CPAP: variants seen among roughly 807,000 people sequenced by gnomAD.
CPAP encodes centrosomal P4.1-associated protein.
At chr13:24,891,515 A>G in the CPAP span, among the ~76,000 whole-genome samples, 17 of 152,166 alleles carry the variant, frequency 1.1e-4, no homozygotes, top group South Asian at 3.5e-3. Flanking sequence ...ACCAAAACAC[A>G]AAACTAAGCA....
At chr13:24,922,953 T>G in the CPAP span, 1 of 152,254 alleles carries the variant, frequency 6.6e-6, no homozygotes, top group Non-Finnish European at 1.5e-5. Flanking sequence ...AAACTACAAC[T>G]CCCAGTGACG....
At chr13:24,882,875 T>G in the CPAP span, 9 of 235,070 alleles carry the variant, frequency 3.8e-5, no homozygotes, top group East Asian at 1.6e-4. Context: ...TACTTCTTGG[T>G]TTTTTTTTAT....
the CPAP span, among the ~76,000 whole-genome samples, chr13:24,927,060 G>T: frequency 6.6e-6 from 1 of 152,174 alleles, no homozygotes; most frequent in Non-Finnish European, 1.5e-5. Context: ...ACAGAAAATT[G>T]TCGGCACTGG....
chr13:24,911,898 AG>A, the CPAP span: 117 of 1,611,354 alleles, frequency 7.3e-5, no homozygotes, highest in African/African-American at 1.2e-3. Context: ...AAACAACTAC[AG>A]GTAAGAAATG....
the CPAP span, chr13:24,907,005 G>C: frequency 6.2e-7 from 1 of 1,600,506 alleles, no homozygotes; most frequent in South Asian, 1.1e-5. Flanking sequence ...GTATATCCAA[G>C]TGATCTCAAA....
At chr13:24,907,688 A>C in the CPAP span, among the ~76,000 whole-genome samples, 3 of 152,234 alleles carry the variant, frequency 2.0e-5, no homozygotes, top group African/African-American at 7.2e-5. Context: ...ATGCAATTAT[A>C]ATTGATAAGT....
chr13:24,894,200 G>A, the CPAP span, among the ~76,000 whole-genome samples: 1 of 152,208 alleles, frequency 6.6e-6, no homozygotes, highest in African/African-American at 2.4e-5. Context: ...AGGAAGGAAA[G>A]CAGAGGCATA....
chr13:24,897,706 T>C, the CPAP span, among the ~76,000 whole-genome samples: 28,260 of 152,150 alleles, frequency 0.19, 2,852 homozygotes, highest in South Asian at 0.32. Context: ...TGAATGTATA[T>C]ATGTACTTTC....
the CPAP span, chr13:24,912,596 T>A: frequency 6.2e-7 from 1 of 1,613,662 alleles, no homozygotes; most frequent in Middle Eastern, 1.7e-4. Context: ...TCAAGTTTTT[T>A]AAAAAGTGGG....
chr13:24,929,576 A>G, the CPAP span, among the ~76,000 whole-genome samples: 1 of 152,218 alleles, frequency 6.6e-6, no homozygotes, highest in African/African-American at 2.4e-5. Context: ...CAGTTTGATT[A>G]TAATATAATG....
chr13:24,901,137 A>G, the CPAP span, among the ~76,000 whole-genome samples: 1 of 152,176 alleles, frequency 6.6e-6, no homozygotes, highest in East Asian at 1.9e-4. Context: ...AGCAGACAGA[A>G]AAGGTAAAAG....
chr13:24,886,374 G>A, the CPAP span: 1 of 1,289,100 alleles, frequency 7.8e-7, no homozygotes, highest in Non-Finnish European at 1.0e-6. Context: ...GTGTGAGGCG[G>A]CTGTGCTGTG....
chr13:24,894,688 TGGGGGCA>T, the CPAP span, among the ~76,000 whole-genome samples: 5 of 151,448 alleles, frequency 3.3e-5, no homozygotes, highest in South Asian at 1.0e-3. Flanking sequence ...ATGGGAAGGC[TGGGGGCA>T]GAACGCGCGG....
chr13:24,915,799 C>T, the CPAP span, among the ~76,000 whole-genome samples: 2 of 148,422 alleles, frequency 1.3e-5, no homozygotes, highest in Non-Finnish European at 3.0e-5. Flanking sequence ...GACTCCATCT[C>T]GAAAACAACA....
At chr13:24,926,044 T>C in the CPAP span, 1 of 152,334 alleles carries the variant, frequency 6.6e-6, no homozygotes, top group African/African-American at 2.4e-5. Context: ...CTAGCTGCTC[T>C]TACACTGCAT....
the CPAP span, among the ~76,000 whole-genome samples, chr13:24,898,568 T>C: frequency 6.6e-6 from 1 of 152,208 alleles, no homozygotes; most frequent in Non-Finnish European, 1.5e-5. Flanking sequence ...ATCTAACATA[T>C]TAGATTTAAT....
the CPAP span, chr13:24,886,318 G>A: frequency 7.8e-7 from 1 of 1,289,236 alleles, no homozygotes; most frequent in Non-Finnish European, 1.0e-6. Context: ...AGAATGGCCT[G>A]AAGGAGGAGA....
the CPAP span, chr13:24,885,205 C>A: frequency 1.3e-3 from 1,305 of 1,033,564 alleles, 14 homozygotes; most frequent in Non-Finnish European, 1.2e-4. Flanking sequence ...ATTTTAGATT[C>A]TATGTGTTTC....
the CPAP span, among the ~76,000 whole-genome samples, chr13:24,933,762 T>C: frequency 6.6e-6 from 1 of 152,064 alleles, no homozygotes; most frequent in South Asian, 2.1e-4. Context: ...TCTCACTCTG[T>C]TGCCCAGGCT....
Sources: gnomAD v4.1 joint callset for allele counts (sites outside exome capture counted in the v4.1 genomes callset) on GRCh38, gnomAD v4.1.1 for gene constraint, MANE v1.5 for transcripts, NCBI Gene and HGNC (gene_info 2026-07-23, HGNC 2026-07-21) for gene names.